Variants in CCDC39 observed in about 807,000 individuals in gnomAD.
CCDC39 encodes the protein coiled-coil domain-containing protein 39.
In CCDC39, 113 loss-of-function variants were observed where a neutral mutation model predicts 121.0. The observed-to-expected ratio is 0.93, with a 90% CI of 0.80 to 1.09. The LOEUF is 1.09. Ranked by LOEUF, CCDC39 falls within the 50% of genes least tolerant of loss-of-function variation. The pLI is 0.00. For synonymous variants in CCDC39, 349 were observed against 352.2 expected, an observed-to-expected ratio of 0.99 and a Z score of 0.10; for missense variants, 1,063 against 1,074.7, an observed-to-expected ratio of 0.99 and a Z score of 0.15.
chr3:180,669,503 T>C (rs1244908947), intron 1 of CCDC39, among the ~76,000 whole-genome samples: 5 of 152,152 alleles, frequency 3.3e-5, no homozygotes, highest in Admixed American at 3.3e-4. Flanking sequence ...ATGTAATTAA[T>C]TCTTAATATA....
At chr3:180,672,470 T>A (rs560916363) in intron 1 of CCDC39, among the ~76,000 whole-genome samples, 2 of 152,170 alleles carry the variant, frequency 1.3e-5, no homozygotes, top group Non-Finnish European at 2.9e-5. Flanking sequence ...GGCACATGCC[T>A]GTAATTCCAG....
At position 180,619,838 on chromosome 3, in the gene CCDC39, G is replaced by T. The variant is rs1717384352; in HGVS notation, c.2131C>A (p.Gln711Lys). The change falls in exon 15 of 20, where the codon CAA (glutamine) becomes AAA (lysine). Residue 711 changes from glutamine (Q) to lysine (K), a missense_variant. Gln to Lys is a moderately conservative substitution (Grantham distance 53). Coordinates refer to ENST00000476379, the MANE Select transcript of CCDC39 (RefSeq NM_181426.2). ...VLNSCNNNYKQSFKKVTPSSD... is the reference protein window; with the variant it reads ...VLNSCNNNYKKSFKKVTPSSD... ...GATGGAGTCACTTTTTTAAAAGATT[G>T]CTTATAATTGTTGTTACAGCTGTTC... 1.9e-6 allele frequency: 3 copies of T among 1,595,916 alleles called. No homozygotes were observed. Among genetic ancestry groups the T allele is most frequent in the Admixed American group, 1.7e-5 (1 of 58,050 alleles).
chr3:180,619,218 T>A (rs1717355167), intron 16 of CCDC39, 41 bp downstream of exon 16: 1 of 918,912 alleles, frequency 1.1e-6, no homozygotes. Flanking sequence ...ATAGTTGACT[T>A]TTATTGAAGG....
At chr3:180,664,092 A>G (rs1364317871) in intron 1 of CCDC39, 106 bp from the exon 2 acceptor site, 15 of 983,532 alleles carry the variant, frequency 1.5e-5, no homozygotes, top group Non-Finnish European at 1.9e-5. Context: ...GTCTTAGTCA[A>G]TTTGGACTGC....
intron 14 of CCDC39, among the ~76,000 whole-genome samples, chr3:180,625,514 G>T (rs1001292508): frequency 2.0e-5 from 3 of 151,738 alleles, no homozygotes; most frequent in African/African-American, 4.8e-5. Context: ...TTTTGAGTGG[G>T]ATCTATTGCT....
Position 180,648,258 on chromosome 3 carries a change from A to T in CCDC39, c.1269T>A (p.Ile423=). The change falls in exon 10 of 20, where the codon ATT becomes ATA. Residue 423 remains isoleucine (I), a synonymous_variant. Transcript: ENST00000476379. ...TMKEKAVLSE[I]EGTRSSLKHL... Reference sequence around the variant, plus strand: ...GTTTCAGAGAGGAACGAGTTCCTTCAATTTCTGATAAAACAGCTTTTTCTT... The same window carrying T: ...GTTTCAGAGAGGAACGAGTTCCTTCTATTTCTGATAAAACAGCTTTTTCTT... 6.2e-7 allele frequency: 1 copy of T among 1,613,454 alleles called. No homozygotes were observed. Among genetic ancestry groups the T allele is most frequent in the Non-Finnish European group, 8.5e-7 (1 of 1,179,604 alleles).
chr3:180,642,090 A>G lies in CCDC39; in HGVS notation c.1777T>C (p.Tyr593His). 2 of 1,613,072 alleles carry G rather than the reference A, an allele frequency of 1.2e-6. No homozygotes were observed. Among genetic ancestry groups the G allele is most frequent in the South Asian group, 1.1e-5 (1 of 91,028 alleles). Residue 593 changes from tyrosine to histidine, a missense_variant, in exon 13 of 20, where the codon TAC (tyrosine) becomes CAC (histidine). Coordinates refer to ENST00000476379, the MANE Select transcript of CCDC39 (RefSeq NM_181426.2). ...LSLEKRKQQLYTAMEERTEEI... is the reference protein window; with the variant it reads ...LSLEKRKQQLHTAMEERTEEI... Reference sequence around the variant, plus strand: ...TCAGTTCGCTCTTCCATTGCTGTGTATAATTGCTGTTTTCTTTTTTCTAGG... The same window carrying G: ...TCAGTTCGCTCTTCCATTGCTGTGTGTAATTGCTGTTTTCTTTTTTCTAGG...
In CCDC39 at chr3:180,644,274, A is replaced by G. The variant is rs895813876; in HGVS notation, c.1528-17T>C. ...AAGATCATTCTGCAAAAAAGAAAAA[A>G]GGTATATAAATGTATGTTTTAAATA... On this transcript the variant is annotated splice_polypyrimidine_tract_variant and intron_variant, in intron 11 of 19. Transcript: ENST00000476379. 1.4e-6 allele frequency: 2 copies of G among 1,453,200 alleles called. No homozygotes were observed. The highest frequency in any genetic ancestry group is 4.7e-5 in the Admixed American group (2 of 42,590). The allele number at this position is 1,453,200 out of a possible 1,614,324, so 90.0% of individuals were successfully genotyped here. A position where few individuals can be genotyped will look rare whatever the true frequency, so the allele number is the denominator to read the frequency against.
At chr3:180,676,081 TG>T (rs1215268462) in intron 1 of CCDC39, among the ~76,000 whole-genome samples, 2 of 152,262 alleles carry the variant, frequency 1.3e-5, no homozygotes, top group African/African-American at 4.8e-5. Context: ...GACATAGGCA[TG>T]GGCAAGGACT....
chr3:180,652,067 G>A (rs1576946036), intron 8 of CCDC39, 96 bp downstream of exon 8: 5 of 716,114 alleles, frequency 7.0e-6, no homozygotes, highest in South Asian at 3.9e-5. Flanking sequence ...CTAAAATATT[G>A]CAATTATTTA....
intron 1 of CCDC39, among the ~76,000 whole-genome samples, chr3:180,668,621 AAAC>A (rs1419554912): frequency 6.6e-6 from 1 of 152,168 alleles, no homozygotes. Flanking sequence ...AATTACCTTC[AAAC>A]AACTTACCAC....
chr3:180,673,673 C>A (rs1197788633), intron 1 of CCDC39, among the ~76,000 whole-genome samples: 1 of 151,892 alleles, frequency 6.6e-6, no homozygotes, highest in African/African-American at 2.4e-5. Context: ...TAAGCCTACA[C>A]AAGAAAAACG....
At chr3:180,658,628 C>T (rs980993295) in intron 6 of CCDC39, among the ~76,000 whole-genome samples, 1 of 151,890 alleles carries the variant, frequency 6.6e-6, no homozygotes, top group African/African-American at 2.4e-5. Flanking sequence ...AAGAGAACCT[C>T]ATAGTTAAGA....
intron 6 of CCDC39, among the ~76,000 whole-genome samples, chr3:180,656,131 A>G (rs932544497): frequency 1.3e-5 from 2 of 152,218 alleles, no homozygotes; most frequent in African/African-American, 4.8e-5. Context: ...AAGTTGTTCT[A>G]AATATTTACT....
At chr3:180,620,064 G>T (rs1206730884) in intron 14 of CCDC39, 94 bp from the exon 15 acceptor site, 4 of 951,732 alleles carry the variant, frequency 4.2e-6, no homozygotes, top group African/African-American at 3.4e-5. Flanking sequence ...TAGTTGACTT[G>T]TGACAATAAC....
Position 180,654,757 on chromosome 3 carries a change from C to T in CCDC39, c.930+5G>A. ...TACAAGCCAGTCTTTTTTGAGTTGACATACCTCACCCTTCAGCTGAATTCT... is the reference window on the plus strand; with the variant it reads ...TACAAGCCAGTCTTTTTTGAGTTGATATACCTCACCCTTCAGCTGAATTCT... On this transcript the variant is annotated splice_donor_5th_base_variant and intron_variant, in intron 7 of 19. Transcript: ENST00000476379. The T allele has an allele frequency of 6.3e-7, 1 of 1,595,256 alleles. No homozygotes were observed. The highest frequency in any genetic ancestry group is 8.5e-7 in the Non-Finnish European group (1 of 1,169,758).
chr3:180,616,876 T>A lies in CCDC39; in HGVS notation c.2356A>T (p.Ser786Cys). ...GGCTTCTGCTCCTCCGTTTCTTTAC[T>A]TAGTTGAAATGAATAAGCCTGCTTC... Reference protein sequence around the residue: ...SEKQAYSFQLSKETEEQKPKL... With the variant: ...SEKQAYSFQLCKETEEQKPKL... Residue 786 changes from serine (S) to cysteine (C), a missense_variant, in exon 17 of 20, where the codon AGT becomes TGT. Ser to Cys is a moderately radical substitution (Grantham distance 112). Transcript: ENST00000476379. 6.2e-7 allele frequency: 1 copy of A among 1,600,004 alleles called. No homozygotes were observed. Among genetic ancestry groups the A allele is most frequent in the Non-Finnish European group, 8.6e-7 (1 of 1,168,516 alleles).
chr3:180,649,178 C>T (rs1449611837), intron 9 of CCDC39, among the ~76,000 whole-genome samples: 1 of 152,110 alleles, frequency 6.6e-6, no homozygotes, highest in African/African-American at 2.4e-5. Flanking sequence ...ACTACAGGAA[C>T]TACCTGTCAC....
At chr3:180,667,005 G>A (rs550401490) in intron 1 of CCDC39, among the ~76,000 whole-genome samples, 1 of 151,988 alleles carries the variant, frequency 6.6e-6, no homozygotes, top group South Asian at 2.1e-4. Context: ...AATAAAACAT[G>A]CAATGGAAAG....
Sources: allele counts gnomAD v4.1 joint callset (sites outside exome capture counted in the v4.1 genomes callset), GRCh38; gene constraint gnomAD v4.1.1; transcripts MANE v1.5; gene names NCBI Gene and HGNC (gene_info 2026-07-23, HGNC 2026-07-21).